Variants in CSMD1 observed in about 807,000 individuals in gnomAD.
CSMD1 encodes CUB and sushi domain-containing protein 1.
Under a neutral mutation model 417.5 loss-of-function variants are expected in CSMD1, and 213 were observed. The observed-to-expected ratio is 0.51, with a 90% CI of 0.46 to 0.57. CSMD1 has a LOEUF of 0.57. CSMD1 is among the 20% of genes least tolerant of loss of function. The pLI is 0.00. For synonymous variants in CSMD1, 2,862 were observed against 1,736.8 expected (o/e 1.65, Z -16.11); for missense variants, 6,923 against 4,529.7 (o/e 1.53, Z -15.17).
intron 2 of CSMD1, among the ~76,000 whole-genome samples, chr8:4,548,263 A>T (rs931443116): frequency 3.3e-5 from 5 of 152,216 alleles, no homozygotes; most frequent in Non-Finnish European, 5.9e-5. Flanking sequence ...TATCTTTATG[A>T]AAACTATCGA....
intron 26 of CSMD1, among the ~76,000 whole-genome samples, chr8:3,254,148 G>A (rs538203598): frequency 1.8e-4 from 27 of 152,194 alleles, no homozygotes; most frequent in South Asian, 1.2e-3. Flanking sequence ...TAGTTTGGCC[G>A]GATATGAAAT....
chr8:3,096,316 C>T (rs776798978), intron 47 of CSMD1, among the ~76,000 whole-genome samples: 17 of 152,164 alleles, frequency 1.1e-4, no homozygotes, highest in African/African-American at 3.1e-4. Flanking sequence ...TCCCACCTAT[C>T]GTGGGACAAA....
chr8:4,046,492 T>C (rs886247373), intron 3 of CSMD1, among the ~76,000 whole-genome samples: 2 of 152,228 alleles, frequency 1.3e-5, no homozygotes, highest in East Asian at 1.9e-4. Flanking sequence ...TCGGAAAGGA[T>C]AAAGCATGTT....
intron 1 of CSMD1, among the ~76,000 whole-genome samples, chr8:4,917,206 T>C (rs1167553877): frequency 6.6e-6 from 1 of 152,108 alleles, no homozygotes; most frequent in East Asian, 1.9e-4. Flanking sequence ...CTACACACTT[T>C]AAAATAAGCA....
intron 3 of CSMD1, among the ~76,000 whole-genome samples, chr8:4,114,127 A>C (rs1176237448): frequency 6.6e-6 from 1 of 152,194 alleles, no homozygotes; most frequent in Non-Finnish European, 1.5e-5. Flanking sequence ...TCATAGGAGG[A>C]AAGAGGGTAA....
chr8:3,770,844 G>T (rs76198179), intron 5 of CSMD1, among the ~76,000 whole-genome samples: 2,812 of 152,174 alleles, frequency 0.018, 103 homozygotes, highest in East Asian at 0.11. Context: ...AGATAAAGGA[G>T]GAAAAACAAA....
chr8:2,966,932 C>G (rs1419185589), intron 57 of CSMD1, among the ~76,000 whole-genome samples, 186 bp from the exon 58 acceptor site: 1 of 152,104 alleles, frequency 6.6e-6, no homozygotes, highest in Non-Finnish European at 1.5e-5. Flanking sequence ...TACTGATTAG[C>G]TACAAATATA....
intron 3 of CSMD1, among the ~76,000 whole-genome samples, chr8:4,274,843 G>A (rs1197425868): frequency 6.6e-6 from 1 of 151,974 alleles, no homozygotes; most frequent in Non-Finnish European, 1.5e-5. Flanking sequence ...GAAAACTATT[G>A]TACTGCTTTT....
intron 30 of CSMD1, among the ~76,000 whole-genome samples, chr8:3,213,807 CAT>C (rs910774605): frequency 2.7e-5 from 4 of 148,766 alleles, no homozygotes; most frequent in South Asian, 2.1e-4. Flanking sequence ...GACTCCATCT[CAT>C]ATATATATAT....
intron 49 of CSMD1, among the ~76,000 whole-genome samples, chr8:3,079,443 T>G (rs1813924489): frequency 6.6e-6 from 1 of 152,220 alleles, no homozygotes; most frequent in African/African-American, 2.4e-5. Flanking sequence ...GGAAATATTG[T>G]ATTAATATCA....
intron 1 of CSMD1, among the ~76,000 whole-genome samples, chr8:4,903,978 T>G (rs893464): frequency 0.58 from 87,698 of 152,036 alleles, 25,827 homozygotes; most frequent in Admixed American, 0.71. Context: ...TCTCATAAAG[T>G]GTAAAATCAT....
At chr8:3,164,882 T>C (rs994049232) in intron 37 of CSMD1, among the ~76,000 whole-genome samples, 18 of 152,186 alleles carry the variant, frequency 1.2e-4, no homozygotes, top group African/African-American at 4.3e-4. Context: ...TTATTATATA[T>C]TGATTTATAT....
At chr8:3,481,786 A>T (rs1216653962) in intron 11 of CSMD1, among the ~76,000 whole-genome samples, 1 of 152,176 alleles carries the variant, frequency 6.6e-6, no homozygotes, top group African/African-American at 2.4e-5. Context: ...AGCTGGAAGA[A>T]GAAAGGGATG....
In CSMD1 at chr8:3,841,654, T is replaced by TA. The variant is rs200453031; in HGVS notation, c.819-87613dup. Among the ~76,000 whole-genome samples the TA allele has an allele frequency of 2.5e-3, 372 of 151,224 alleles. 1 individual carries two copies. Among genetic ancestry groups the TA allele is most frequent in the African/African-American group, 4.7e-3 (192 of 41,234 alleles). Reference sequence around the variant, plus strand: ...GGTCACACATTTTTAGAGGTTCAAATAAAAAAAAACCATGAATATGATTCT... The same window carrying TA: ...GGTCACACATTTTTAGAGGTTCAAATAAAAAAAAAACCATGAATATGATTCT... On this transcript the variant is annotated intron_variant, in intron 5 of 69. Coordinates refer to ENST00000635120, the MANE Select transcript of CSMD1 (RefSeq NM_033225.6).
At chr8:4,141,651 A>G in intron 3 of CSMD1, among the ~76,000 whole-genome samples, 1 of 132,804 alleles carries the variant, frequency 7.5e-6, no homozygotes, top group Non-Finnish European at 1.7e-5. Flanking sequence ...AGTTTTTTAA[A>G]TCTCCAGATC....
chr8:3,745,558 T>A (rs1316424333), intron 6 of CSMD1, among the ~76,000 whole-genome samples: 1 of 152,340 alleles, frequency 6.6e-6, no homozygotes, highest in East Asian at 1.9e-4. Flanking sequence ...GCCACATTCA[T>A]CTTTTGCTAC....
At chr8:3,315,034 T>C (rs1805645714) in intron 23 of CSMD1, among the ~76,000 whole-genome samples, 1 of 152,206 alleles carries the variant, frequency 6.6e-6, no homozygotes, top group African/African-American at 2.4e-5. Context: ...TATTTTCTCA[T>C]GAGCAACTGA....
intron 6 of CSMD1, among the ~76,000 whole-genome samples, chr8:3,737,790 G>C (rs1438242586): frequency 6.6e-6 from 1 of 152,098 alleles, no homozygotes; most frequent in African/African-American, 2.4e-5. Flanking sequence ...TGAAATCAAA[G>C]GAGACAAATA....
rs1385698214 is a variant in CSMD1 at position 3,307,668 on chromosome 8, TCACTGAAACCAAA to T, written c.3950+14_3950+26del. 1 of 1,608,810 alleles carries T rather than the reference TCACTGAAACCAAA, an allele frequency of 6.2e-7. No individual in the cohort carries two copies. The highest frequency in any genetic ancestry group is 1.7e-5 in the Admixed American group (1 of 59,470). Reference sequence around the variant, plus strand: ...TAGAAGGCATATCTCTTTTCTCAAATCACTGAAACCAAAATAAAACAAGTACCTAATGGTCTTT... The same window carrying T: ...TAGAAGGCATATCTCTTTTCTCAAATATAAAACAAGTACCTAATGGTCTTT... On this transcript the variant is annotated intron_variant, in intron 25 of 69. Transcript: ENST00000635120.
Sources: gnomAD v4.1 joint callset for allele counts (sites outside exome capture counted in the v4.1 genomes callset) on GRCh38, gnomAD v4.1.1 for gene constraint, MANE v1.5 for transcripts, NCBI Gene and HGNC (gene_info 2026-07-23, HGNC 2026-07-21) for gene names.